The following PHACTR1 variants were observed in gnomAD, a reference collection of about 807,000 sequenced individuals.
PHACTR1 encodes phosphatase and actin regulator 1.
A neutral mutation model predicts 69.2 loss-of-function variants in PHACTR1; 16 were observed. The observed-to-expected ratio is 0.23, with a 90% CI of 0.16 to 0.35. PHACTR1 has a LOEUF of 0.35. Among genes scored for constraint, PHACTR1 ranks in the 10% least tolerant of loss-of-function variants. The pLI is 1.00. For missense variants in PHACTR1, 510 were observed against 734.7 expected, an observed-to-expected ratio of 0.69 and a Z score of 3.54; for synonymous variants, 312 against 284.5, an observed-to-expected ratio of 1.10 and a Z score of -0.97.
At chr6:13,218,853 AAAGAGAAGAG>A (rs536881718) in intron 8 of PHACTR1, among the ~76,000 whole-genome samples, 7,795 of 142,354 alleles carry the variant, frequency 0.055, 295 homozygotes, top group South Asian at 0.1. Flanking sequence ...GAGGAGGAGG[AAAGAGAAGAG>A]AAGAGAAGAG....
At chr6:13,124,048 G>T (rs961442069) in intron 5 of PHACTR1, among the ~76,000 whole-genome samples, 1 of 152,164 alleles carries the variant, frequency 6.6e-6, no homozygotes, top group Non-Finnish European at 1.5e-5. Flanking sequence ...GAAATAGAGT[G>T]CCCCCACTAT....
At chr6:13,160,869 G>T (rs1244239083) in intron 6 of PHACTR1, among the ~76,000 whole-genome samples, 1 of 152,204 alleles carries the variant, frequency 6.6e-6, no homozygotes, top group Admixed American at 6.5e-5. Context: ...AATACCACGT[G>T]TCCTTTGCTT....
intron 6 of PHACTR1, among the ~76,000 whole-genome samples, chr6:13,171,428 G>A (rs188923303): frequency 6.6e-6 from 1 of 152,208 alleles, no homozygotes; most frequent in African/African-American, 2.4e-5. Context: ...TAACCTCTCT[G>A]TTCCAGAAAT....
intron 5 of PHACTR1, among the ~76,000 whole-genome samples, chr6:13,092,773 G>A (rs1813500904): frequency 6.6e-6 from 1 of 152,122 alleles, no homozygotes; most frequent in African/African-American, 2.4e-5. Flanking sequence ...AAAGCAGAAG[G>A]GAACTCTACC....
chr6:12,928,197 T>A (rs1325710404), intron 4 of PHACTR1, among the ~76,000 whole-genome samples: 1 of 152,082 alleles, frequency 6.6e-6, no homozygotes, highest in Non-Finnish European at 1.5e-5. Flanking sequence ...GGCAGACACC[T>A]CCTGAGAGAA....
chr6:12,809,494 A>G (rs1774782167), intron 4 of PHACTR1, among the ~76,000 whole-genome samples: 1 of 152,206 alleles, frequency 6.6e-6, no homozygotes, highest in Non-Finnish European at 1.5e-5. Context: ...GGCATGAGAG[A>G]TGAAACCTAT....
chr6:12,987,279 T>C (rs1321999816), intron 4 of PHACTR1, among the ~76,000 whole-genome samples: 6 of 151,972 alleles, frequency 3.9e-5, no homozygotes, highest in Admixed American at 3.9e-4. Flanking sequence ...CTCAAAAGAG[T>C]ATTTGATTCA....
intron 4 of PHACTR1, chr6:12,957,752 G>A: frequency 1.0e-6 from 1 of 985,568 alleles, no homozygotes; most frequent in Non-Finnish European, 1.2e-6. Flanking sequence ...CTAGTCCACG[G>A]TGAGTTGAAT....
intron 4 of PHACTR1, among the ~76,000 whole-genome samples, chr6:12,908,645 A>G (rs1244279313): frequency 6.6e-6 from 1 of 152,166 alleles, no homozygotes; most frequent in Non-Finnish European, 1.5e-5. Context: ...TGACTATGGC[A>G]TGGAGCTGGG....
At chr6:12,917,688 G>C (rs540472980) in intron 4 of PHACTR1, among the ~76,000 whole-genome samples, 2 of 152,142 alleles carry the variant, frequency 1.3e-5, no homozygotes, top group African/African-American at 4.8e-5. Context: ...CCAGGAGTTT[G>C]AGATTACAGT....
intron 6 of PHACTR1, among the ~76,000 whole-genome samples, chr6:13,162,485 C>T (rs1007392313): frequency 2.0e-5 from 3 of 151,960 alleles, no homozygotes; most frequent in Admixed American, 2.0e-4. Context: ...TCCCCATATT[C>T]ACCCCCCAGG....
intron 4 of PHACTR1, among the ~76,000 whole-genome samples, chr6:12,795,923 C>A (rs1399998599): frequency 6.6e-6 from 1 of 151,818 alleles, no homozygotes; most frequent in Admixed American, 6.6e-5. Flanking sequence ...TCTTAAAGAC[C>A]CTTGGCCTTT....
intron 4 of PHACTR1, among the ~76,000 whole-genome samples, chr6:12,983,823 T>G (rs966460787): frequency 2.6e-5 from 4 of 152,192 alleles, no homozygotes; most frequent in Non-Finnish European, 5.9e-5. Flanking sequence ...TGCGATAGTT[T>G]GCTGAGAATG....
intron 4 of PHACTR1, among the ~76,000 whole-genome samples, chr6:12,835,554 GA>G (rs1778072431): frequency 2.0e-5 from 3 of 152,116 alleles, no homozygotes; most frequent in Admixed American, 2.0e-4. Context: ...GTATTCAGGA[GA>G]AATAAGTCTC....
chr6:12,750,675 A>G (rs1354824055), intron 4 of PHACTR1, among the ~76,000 whole-genome samples: 1 of 152,122 alleles, frequency 6.6e-6, no homozygotes, highest in African/African-American at 2.4e-5. Context: ...TCCAGCATCT[A>G]CTGTTCCCTC....
rs1220683843 is a variant in PHACTR1 at position 13,190,196 on chromosome 6, G to GTTTTTTTTT, written c.664+7511_664+7512insTTTTTTTTT. Among the ~76,000 whole-genome samples the GTTTTTTTTT allele has an allele frequency of 9.9e-3, 313 of 31,732 alleles. 13 individuals carry two copies. The highest frequency in any genetic ancestry group is 0.029 in the African/African-American group (274 of 9,456). The allele number at this position is 31,732 out of a possible 152,430, so 20.8% of individuals were successfully genotyped here. ...GTGCCACTATGCTCAGCTAATTTTTGTATTTTTTTTTTTTTTTTAGTAGAG... is the reference window on the plus strand; with the variant it reads ...GTGCCACTATGCTCAGCTAATTTTTGTTTTTTTTTTATTTTTTTTTTTTTTTTAGTAGAG... On this transcript the variant is annotated intron_variant, in intron 7 of 14. Coordinates refer to ENST00000332995, the MANE Select transcript of PHACTR1 (RefSeq NM_030948.6).
At chr6:13,073,415 C>T (rs1234092474) in intron 5 of PHACTR1, among the ~76,000 whole-genome samples, 1 of 125,590 alleles carries the variant, frequency 8.0e-6, no homozygotes, top group Non-Finnish European at 1.6e-5. Context: ...ACAATCTTGG[C>T]TCACTGCAGT....
At chr6:12,718,098 G>T (rs971067972) in intron 2 of PHACTR1, among the ~76,000 whole-genome samples, 4 of 152,130 alleles carry the variant, frequency 2.6e-5, no homozygotes, top group African/African-American at 9.7e-5. Flanking sequence ...AACCACAATT[G>T]TTTCTCAAAA....
At chr6:12,949,622 T>C (rs1791071422) in intron 4 of PHACTR1, among the ~76,000 whole-genome samples, 2 of 152,242 alleles carry the variant, frequency 1.3e-5, no homozygotes, top group African/African-American at 4.8e-5. Flanking sequence ...AATATAGTGC[T>C]ATAGTGGTTT....
Sources: allele counts gnomAD v4.1 joint callset (sites outside exome capture counted in the v4.1 genomes callset), GRCh38; gene constraint gnomAD v4.1.1; transcripts MANE v1.5; gene names NCBI Gene and HGNC (gene_info 2026-07-23, HGNC 2026-07-21).